The following RBFOX1 variants were observed in gnomAD, a reference collection of about 807,000 sequenced individuals.
RBFOX1 encodes RNA binding fox-1 homolog 1.
In RBFOX1, 8 loss-of-function variants were observed where a neutral mutation model predicts 57.7. The ratio of observed to expected loss-of-function variants is 0.14; its 90% CI spans 0.08 to 0.25. RBFOX1 has a LOEUF of 0.25. RBFOX1 is among the 10% of genes least tolerant of loss of function. RBFOX1 has a pLI of 1.00. For synonymous variants in RBFOX1, 326 were observed against 222.4 expected (o/e 1.47, Z -4.15); for missense variants, 611 against 548.5 (o/e 1.11, Z -1.14).
intron 4 of RBFOX1, among the ~76,000 whole-genome samples, chr16:7,463,796 C>T (rs1405655921): frequency 6.6e-6 from 1 of 152,186 alleles, no homozygotes. Flanking sequence ...CTGATAACGA[C>T]AACAGCTGCT....
At chr16:5,748,086 A>C in intron 3 of RBFOX1, among the ~76,000 whole-genome samples, 1 of 152,076 alleles carries the variant, frequency 6.6e-6, no homozygotes, top group Non-Finnish European at 1.5e-5. Context: ...CTTTGTTCTC[A>C]TTGGTTTCAA....
intron 2 of RBFOX1, among the ~76,000 whole-genome samples, chr16:6,485,179 A>C (rs1473177428): frequency 2.0e-5 from 3 of 152,204 alleles, no homozygotes; most frequent in African/African-American, 7.2e-5. Context: ...ACAGGAATCC[A>C]GGCTTTTCAT....
chr16:7,197,836 C>T (rs1414349263), intron 4 of RBFOX1, among the ~76,000 whole-genome samples: 2 of 152,094 alleles, frequency 1.3e-5, no homozygotes, highest in African/African-American at 2.4e-5. Flanking sequence ...ACATGTTATT[C>T]CATTTCCGTG....
intron 2 of RBFOX1, among the ~76,000 whole-genome samples, chr16:6,642,605 A>G (rs1337164229): frequency 1.3e-5 from 2 of 151,946 alleles, no homozygotes; most frequent in Non-Finnish European, 2.9e-5. Context: ...CCAAAAAAAA[A>G]GTAAGGTGAA....
chr16:6,315,800 T>G (rs142650018), intron 1 of RBFOX1, among the ~76,000 whole-genome samples: 1 of 152,180 alleles, frequency 6.6e-6, no homozygotes, highest in East Asian at 1.9e-4. Context: ...TTTCCAATAT[T>G]TTGAAGTCAC....
rs565304481 is a variant in RBFOX1 at position 5,813,008 on chromosome 16, C to CTT, written c.319-54279_319-54278dup. 5.6e-3 allele frequency among the ~76,000 whole-genome samples: 757 copies of CTT among 135,890 alleles called. 8 individuals are homozygous for CTT. Among genetic ancestry groups the CTT allele is most frequent in the African/African-American group, 0.019 (682 of 36,466 alleles). 89.1% of individuals were successfully genotyped at this position (135,890 alleles called of 152,430 possible). ...AACATAAAGTCTATCCCTTTAACCA[C>CTT]TTTTTTTTTTTTTTTTTGAGATGGA... On this transcript the variant is annotated intron_variant, in intron 3 of 19. Transcript: ENST00000641259.
At chr16:6,035,402 A>G (rs2059271) in intron 1 of RBFOX1, among the ~76,000 whole-genome samples, 47,197 of 152,166 alleles carry the variant, frequency 0.31, 8,821 homozygotes, top group South Asian at 0.49. Flanking sequence ...ACAAGACGGT[A>G]TTACTCAAAC....
At chr16:6,932,679 A>G (rs956888711) in intron 3 of RBFOX1, among the ~76,000 whole-genome samples, 1 of 152,190 alleles carries the variant, frequency 6.6e-6, no homozygotes, top group African/African-American at 2.4e-5. Flanking sequence ...TGAAGTGCTC[A>G]AACACATGTC....
At chr16:6,509,148 C>G (rs140240865) in intron 2 of RBFOX1, among the ~76,000 whole-genome samples, 1 of 152,258 alleles carries the variant, frequency 6.6e-6, no homozygotes, top group East Asian at 1.9e-4. Flanking sequence ...TAACCCTTAA[C>G]CTTTAATGCA....
chr16:6,791,711 A>C (rs1236285107), intron 3 of RBFOX1, among the ~76,000 whole-genome samples: 2 of 152,294 alleles, frequency 1.3e-5, no homozygotes, highest in East Asian at 3.9e-4. Context: ...GTGAGCAGAG[A>C]TCGTGCCACA....
At chr16:7,562,655 T>G (rs2152690928) in intron 5 of RBFOX1, among the ~76,000 whole-genome samples, 1 of 152,276 alleles carries the variant, frequency 6.6e-6, no homozygotes, top group South Asian at 2.1e-4. Flanking sequence ...CAGGATGCAT[T>G]TGATTTCATT....
At chr16:6,759,877 A>G (rs996906686) in intron 3 of RBFOX1, among the ~76,000 whole-genome samples, 3 of 152,212 alleles carry the variant, frequency 2.0e-5, no homozygotes, top group Non-Finnish European at 4.4e-5. Flanking sequence ...CAGCGAACTG[A>G]TGAAATCAAG....
chr16:5,347,273 C>T (rs896815290), intron 1 of RBFOX1, among the ~76,000 whole-genome samples: 12 of 152,258 alleles, frequency 7.9e-5, no homozygotes, highest in Non-Finnish European at 1.6e-4. Context: ...TTTGCTTATA[C>T]ATTCAGTGCT....
At chr16:6,991,618 C>T (rs2091467410) in intron 3 of RBFOX1, among the ~76,000 whole-genome samples, 1 of 152,112 alleles carries the variant, frequency 6.6e-6, no homozygotes, top group African/African-American at 2.4e-5. Flanking sequence ...CTCACTGCAA[C>T]TTCCACCTCC....
intron 10 of RBFOX1, among the ~76,000 whole-genome samples, chr16:7,612,436 G>A (rs924725870): frequency 2.0e-5 from 3 of 149,588 alleles, no homozygotes; most frequent in African/African-American, 7.4e-5. Context: ...TAGAGTTTAA[G>A]TAAAATCAAG....
intron 3 of RBFOX1, among the ~76,000 whole-genome samples, chr16:5,660,053 G>A (rs1031420033): frequency 2.6e-5 from 4 of 151,988 alleles, no homozygotes; most frequent in Non-Finnish European, 5.9e-5. Context: ...GGACCCATAG[G>A]CTTTGTTAGA....
At chr16:5,561,396 C>G (rs148610868) in intron 2 of RBFOX1, among the ~76,000 whole-genome samples, 1 of 151,952 alleles carries the variant, frequency 6.6e-6, no homozygotes, top group Non-Finnish European at 1.5e-5. Context: ...TAAAAACCCC[C>G]AAATTTGTAA....
chr16:5,434,678 A>T (rs575962563), intron 1 of RBFOX1, among the ~76,000 whole-genome samples: 1 of 152,014 alleles, frequency 6.6e-6, no homozygotes, highest in Admixed American at 6.6e-5. Context: ...TTTCTTCGTT[A>T]TCTGTTTAAA....
At chr16:7,474,922 G>A (rs1482028591) in intron 4 of RBFOX1, among the ~76,000 whole-genome samples, 1 of 152,092 alleles carries the variant, frequency 6.6e-6, no homozygotes, top group Admixed American at 6.5e-5. Context: ...CAATATTTAT[G>A]GAGTGCCTGT....
Sources: allele counts gnomAD v4.1 joint callset (sites outside exome capture counted in the v4.1 genomes callset), GRCh38; gene constraint gnomAD v4.1.1; transcripts MANE v1.5; gene names NCBI Gene and HGNC (gene_info 2026-07-23, HGNC 2026-07-21).